ACAP2: variants seen among roughly 807,000 people sequenced by gnomAD.
ACAP2 encodes ArfGAP with coiled-coil, ankyrin repeat and PH domains 2, also known as arf-GAP with coiled-coil, ANK repeat and PH domain-containing protein 2.
A neutral mutation model predicts 115.8 loss-of-function variants in ACAP2; 39 were observed. The observed-to-expected ratio is 0.34, with a 90% CI of 0.26 to 0.44. The LOEUF (loss-of-function observed/expected upper bound fraction) is 0.44. ACAP2 is among the 20% of genes least tolerant of loss of function. ACAP2 has a pLI of 1.00. For synonymous variants in ACAP2, 289 were observed against 315.8 expected, an observed-to-expected ratio of 0.92 and a Z score of 0.90; for missense variants, 662 against 927.6, an observed-to-expected ratio of 0.71 and a Z score of 3.72.
intron 21 of ACAP2, among the ~76,000 whole-genome samples, chr3:195,287,198 C>T (rs900415219): frequency 1.3e-5 from 2 of 152,102 alleles, no homozygotes; most frequent in East Asian, 3.9e-4. Flanking sequence ...GAATAAGTGA[C>T]GATACAAAAC....
intron 1 of ACAP2, among the ~76,000 whole-genome samples, chr3:195,409,980 A>G (rs7638708): frequency 0.01 from 1,526 of 152,198 alleles, 7 homozygotes; most frequent in Non-Finnish European, 0.017. Flanking sequence ...CAATCCTGAA[A>G]AAGAAAAGCA....
intron 1 of ACAP2, among the ~76,000 whole-genome samples, chr3:195,398,883 A>C (rs1577415020): frequency 6.6e-6 from 1 of 152,172 alleles, no homozygotes; most frequent in South Asian, 2.1e-4. Flanking sequence ...ATGGAAACCA[A>C]TATTTTAGTC....
chr3:195,367,448 T>C (rs2108716572), intron 4 of ACAP2, among the ~76,000 whole-genome samples: 1 of 152,290 alleles, frequency 6.6e-6, no homozygotes, highest in Middle Eastern at 3.4e-3. Context: ...TTGACTATTG[T>C]CAAGCTTCCT....
At position 195,307,332 on chromosome 3, in the gene ACAP2, A is replaced by C. The variant is rs780280432; in HGVS notation, c.910-9T>G. On this transcript the variant is annotated splice_polypyrimidine_tract_variant and intron_variant, in intron 11 of 22. Coordinates refer to ENST00000326793, the MANE Select transcript of ACAP2 (RefSeq NM_012287.6). Reference sequence around the variant, plus strand: ...ACCACAGTCGGATTATCCTATAGTGAGGAAACCAAATTTCCATATTTTTCC... The same window carrying C: ...ACCACAGTCGGATTATCCTATAGTGCGGAAACCAAATTTCCATATTTTTCC... 1 of 1,572,390 alleles carries C rather than the reference A, an allele frequency of 6.4e-7. No homozygotes were observed. The highest frequency in any genetic ancestry group is 1.2e-5 in the South Asian group (1 of 85,370).
intron 15 of ACAP2, among the ~76,000 whole-genome samples, chr3:195,298,720 C>T (rs980400529): frequency 6.6e-6 from 1 of 152,142 alleles, no homozygotes. Flanking sequence ...CAACCTCTGC[C>T]TCCTGGGTTC....
At chr3:195,367,041 C>T (rs1031024544) in intron 4 of ACAP2, among the ~76,000 whole-genome samples, 11 of 145,316 alleles carry the variant, frequency 7.6e-5, no homozygotes, top group African/African-American at 2.6e-4. Flanking sequence ...TTATATGCCC[C>T]CCAACCCCGC....
chr3:195,382,231 T>C (rs879410938), intron 2 of ACAP2, among the ~76,000 whole-genome samples: 5 of 152,158 alleles, frequency 3.3e-5, no homozygotes, highest in Admixed American at 6.6e-5. Flanking sequence ...AAGTTGACCA[T>C]TTAGGATCCA....
chr3:195,294,593 A>G lies in ACAP2; in HGVS notation c.1765+126T>C, dbSNP rs1309826635. The G allele has an allele frequency of 2.4e-4, 13 of 54,062 alleles. No homozygotes were observed. In the South Asian group the frequency reaches 6.4e-3, roughly 27 times the overall value. The allele number at this position is 54,062 out of a possible 1,614,324, so 3.3% of individuals were successfully genotyped here. A position where few individuals can be genotyped will look rare whatever the true frequency, so the allele number is the denominator to read the frequency against. ...AACTCCATCTCAAAAAAAAAAGAAGAAAAAAAAAAAAAAAATTATATATAT... is the reference window on the plus strand; with the variant it reads ...AACTCCATCTCAAAAAAAAAAGAAGGAAAAAAAAAAAAAAATTATATATAT... On this transcript the variant is annotated intron_variant, in intron 18 of 22. Coordinates refer to ENST00000326793, the MANE Select transcript of ACAP2 (RefSeq NM_012287.6).
Position 195,392,058 on chromosome 3 carries a change from A to G in ACAP2, c.111+32T>C, listed in dbSNP as rs375673006. Reference sequence around the variant, plus strand: ...TCATTATTTACAGCAAACGAGAATCAATGTTTCAAAAAGCTAACTTGTAAA... The same window carrying G: ...TCATTATTTACAGCAAACGAGAATCGATGTTTCAAAAAGCTAACTTGTAAA... On this transcript the variant is annotated intron_variant, in intron 2 of 22. Coordinates refer to ENST00000326793, the MANE Select transcript of ACAP2 (RefSeq NM_012287.6). 6.4e-6 allele frequency: 10 copies of G among 1,566,076 alleles called. No individual in the cohort carries two copies. In the East Asian group the frequency reaches 6.7e-5, roughly 11 times the overall value.
intron 1 of ACAP2, among the ~76,000 whole-genome samples, chr3:195,415,241 T>A (rs1713620968): frequency 6.6e-6 from 1 of 151,958 alleles, no homozygotes; most frequent in South Asian, 2.1e-4. Context: ...CTGTACTTTC[T>A]GCTCAATTTT....
intron 2 of ACAP2, among the ~76,000 whole-genome samples, chr3:195,391,770 G>A (rs1452351939): frequency 6.6e-6 from 1 of 152,032 alleles, no homozygotes; most frequent in East Asian, 1.9e-4. Context: ...CAAGGCAGGT[G>A]GATCACCTGA....
chr3:195,292,559 G>T, intron 18 of ACAP2, 107 bp from the exon 19 acceptor site: 2 of 1,032,110 alleles, frequency 1.9e-6, no homozygotes, highest in Non-Finnish European at 2.8e-6. Flanking sequence ...AGAGTTCTGT[G>T]GATGAATGGC....
intron 4 of ACAP2, among the ~76,000 whole-genome samples, chr3:195,374,705 CCTTTTCTTTT>C (rs60052147): frequency 2.0e-5 from 3 of 150,918 alleles, no homozygotes; most frequent in African/African-American, 7.3e-5. Context: ...ATGCAGAAGA[CCTTTTCTTTT>C]CTTTTCTTTT....
chr3:195,321,216 C>CTTT (rs34165362), intron 9 of ACAP2, among the ~76,000 whole-genome samples: 147 of 102,214 alleles, frequency 1.4e-3, no homozygotes, highest in Middle Eastern at 7.9e-3. Context: ...TTTATCACAA[C>CTTT]TTTTTTTTTT....
At chr3:195,369,419 C>G (rs1054049793) in intron 4 of ACAP2, among the ~76,000 whole-genome samples, 2 of 152,174 alleles carry the variant, frequency 1.3e-5, no homozygotes, top group Non-Finnish European at 2.9e-5. Context: ...TCTCCCTCCT[C>G]CCACCCTCCA....
intron 20 of ACAP2, among the ~76,000 whole-genome samples, chr3:195,290,834 A>AAATAAATAAATAAAT: frequency 7.5e-6 from 1 of 133,742 alleles, no homozygotes; most frequent in African/African-American, 2.9e-5. Context: ...ATAAATAAAT[A>AAATAAATAAATAAAT]AATAAATAAA....
intron 1 of ACAP2, among the ~76,000 whole-genome samples, chr3:195,394,761 T>C (rs1008470056): frequency 1.3e-5 from 2 of 152,122 alleles, no homozygotes; most frequent in African/African-American, 2.4e-5. Context: ...GCTAGGCACA[T>C]AGTGTGTGGC....
Position 195,295,369 on chromosome 3 carries a change from AC to A in ACAP2, c.1672+338del. On this transcript the variant is annotated intron_variant, in intron 17 of 22. Transcript: ENST00000326793. ...AGGGAAAAGGGCAGGAAAAAACGTT[AC>A]TGGGAAAAAATTTAGGAGGAAAAAA... 4.1e-6 allele frequency: 4 copies of A among 969,808 alleles called. No individual in the cohort carries two copies. The East Asian group carries it at 1.7e-4, about 42-fold the overall frequency. 60.1% of individuals were successfully genotyped at this position (969,808 alleles called of 1,614,324 possible). A position where few individuals can be genotyped will look rare whatever the true frequency, so the allele number is the denominator to read the frequency against.
In ACAP2 at chr3:195,290,838, AAATAAATAAAT is replaced by A. The variant is rs1490378053; in HGVS notation, c.2063+857_2063+867del. On this transcript the variant is annotated intron_variant, in intron 20 of 22. Coordinates refer to ENST00000326793, the MANE Select transcript of ACAP2 (RefSeq NM_012287.6). ...AAAATAAATAAATAAATAAATAAAT[AAATAAATAAAT>A]AATAAATAAATAAATAAATAAATAA... Among the ~76,000 whole-genome samples, 1,052 of 128,532 alleles carry A rather than the reference AAATAAATAAAT, an allele frequency of 8.2e-3. 5 individuals are homozygous for A. Among genetic ancestry groups the A allele is most frequent in the African/African-American group, 0.026 (841 of 31,990 alleles). 84.3% of individuals were successfully genotyped at this position (128,532 alleles called of 152,430 possible). A position where few individuals can be genotyped will look rare whatever the true frequency, so the allele number is the denominator to read the frequency against.
Sources: gnomAD v4.1 joint callset for allele counts (sites outside exome capture counted in the v4.1 genomes callset) on GRCh38, gnomAD v4.1.1 for gene constraint, MANE v1.5 for transcripts, NCBI Gene and HGNC (gene_info 2026-07-23, HGNC 2026-07-21) for gene names.